Variants in SCN11A observed in about 807,000 individuals in gnomAD.
SCN11A encodes sodium channel protein type 11 subunit alpha.
In SCN11A, 122 loss-of-function variants were observed where a neutral mutation model predicts 162.2. That is an observed-to-expected ratio of 0.75 (90% CI 0.65 to 0.87). The LOEUF (loss-of-function observed/expected upper bound fraction) is 0.87, where lower values mean the gene tolerates loss of function less well. Ranked by LOEUF, SCN11A falls within the 40% of genes least tolerant of loss-of-function variation. The pLI is 0.00. For missense variants in SCN11A, 2,015 were observed against 2,181.6 expected (o/e 0.92, Z 1.52); for synonymous variants, 758 against 751.5 (o/e 1.01, Z -0.14).
At chr3:39,050,502 G>C (rs1447856232) in intron 1 of SCN11A, among the ~76,000 whole-genome samples, 1 of 152,210 alleles carries the variant, frequency 6.6e-6, no homozygotes, top group Non-Finnish European at 1.5e-5. Context: ...TAATGATGCA[G>C]TAATTTACCT....
rs2065057068 is a variant in SCN11A at position 38,867,366 on chromosome 3, G to C, written c.3906C>G (p.Leu1302=). ...IIFGSFFTLN[L]FIGVIIDNFN... ...AGTTGTCAATGATAACGCCAATGAA[G>C]AGATTCAGAGTGAAGAATGAGCCAA... Residue 1302 remains leucine (L), a synonymous_variant, in exon 27 of 30, where the codon CTC becomes CTG. Coordinates refer to ENST00000302328, the MANE Select transcript of SCN11A (RefSeq NM_001349253.2). The C allele has an allele frequency of 1.9e-6, 3 of 1,613,320 alleles. No homozygotes were observed. Among genetic ancestry groups the C allele is most frequent in the African/African-American group, 1.3e-5 (1 of 74,894 alleles).
intron 2 of SCN11A, among the ~76,000 whole-genome samples, chr3:39,003,573 T>C (rs113767350): frequency 0.1 from 15,809 of 152,288 alleles, 1,052 homozygotes; most frequent in East Asian, 0.22. Context: ...GGTTGAATGG[T>C]AGTTCTACTT....
chr3:38,878,093 A>T, intron 23 of SCN11A, among the ~76,000 whole-genome samples: 1 of 151,770 alleles, frequency 6.6e-6, no homozygotes, highest in Non-Finnish European at 1.5e-5. Flanking sequence ...GGGGCACCAA[A>T]ATCTCAGAAA....
At chr3:39,008,937 G>C (rs1006732867) in intron 2 of SCN11A, among the ~76,000 whole-genome samples, 3 of 151,858 alleles carry the variant, frequency 2.0e-5, no homozygotes, top group Non-Finnish European at 2.9e-5. Flanking sequence ...CCCAAAGTCA[G>C]GTCCAGTGGC....
At chr3:38,966,344 T>C (rs1182913889) in intron 2 of SCN11A, among the ~76,000 whole-genome samples, 2 of 152,350 alleles carry the variant, frequency 1.3e-5, no homozygotes, top group Middle Eastern at 3.4e-3. Flanking sequence ...ATGTCATAGT[T>C]CATTATTATC....
intron 2 of SCN11A, among the ~76,000 whole-genome samples, chr3:38,996,076 G>C (rs1195375685): frequency 6.6e-6 from 1 of 152,156 alleles, no homozygotes; most frequent in Non-Finnish European, 1.5e-5. Context: ...CCATCTACAA[G>C]ATAGGAAGAG....
intron 1 of SCN11A, among the ~76,000 whole-genome samples, chr3:39,036,778 CTA>C (rs2031914273): frequency 6.6e-6 from 1 of 152,148 alleles, no homozygotes; most frequent in Admixed American, 6.5e-5. Flanking sequence ...CAGATCAAAA[CTA>C]TATTATCTCA....
chr3:38,929,763 T>C (rs1319841084), intron 7 of SCN11A, among the ~76,000 whole-genome samples: 1 of 152,164 alleles, frequency 6.6e-6, no homozygotes, highest in Admixed American at 6.5e-5. Flanking sequence ...AATGCCAATA[T>C]CTCAGGAGTG....
At chr3:38,861,990 T>C (rs530029338) in intron 28 of SCN11A, among the ~76,000 whole-genome samples, 4 of 152,248 alleles carry the variant, frequency 2.6e-5, no homozygotes, top group African/African-American at 9.6e-5. Context: ...AAACTATGCA[T>C]CTGACAAAAG....
intron 28 of SCN11A, among the ~76,000 whole-genome samples, chr3:38,852,274 C>T (rs1274003039): frequency 6.6e-6 from 1 of 152,008 alleles, no homozygotes; most frequent in Non-Finnish European, 1.5e-5. Context: ...ATCAAAGAGC[C>T]AGGAGAAGAC....
Position 38,910,079 on chromosome 3 carries a change from T to C in SCN11A, c.1088A>G (p.Lys363Arg). The change falls in exon 12 of 30, where the codon AAG (lysine) becomes AGG (arginine). Residue 363 changes from lysine (K) to arginine (R), a missense_variant. Coordinates refer to ENST00000302328, the MANE Select transcript of SCN11A (RefSeq NM_001349253.2). ...TAAATAGATAACCTGTTGATAAAGC[T>C]TCTCCCAGGAATCTTGGGTCATCAG... is the stretch of plus-strand genomic sequence containing the variant. ...FRLMTQDSWE[K>R]LYQQTLRTTG... The C allele has an allele frequency of 6.2e-7, 1 of 1,613,812 alleles. No homozygotes were observed. Among genetic ancestry groups the C allele is most frequent in the Non-Finnish European group, 8.5e-7 (1 of 1,179,868 alleles).
chr3:38,967,818 T>A (rs965216756), intron 2 of SCN11A, among the ~76,000 whole-genome samples: 2 of 152,202 alleles, frequency 1.3e-5, no homozygotes, highest in African/African-American at 4.8e-5. Flanking sequence ...CACATGTCAG[T>A]ATTCAGCAAA....
chr3:38,998,549 A>G (rs2030712294), intron 2 of SCN11A, among the ~76,000 whole-genome samples: 2 of 152,198 alleles, frequency 1.3e-5, no homozygotes, highest in East Asian at 3.8e-4. Context: ...CCAGTCATCC[A>G]TTACTGGGTA....
chr3:38,945,464 G>A lies in SCN11A; in HGVS notation c.435C>T (p.Phe145=), dbSNP rs760281237. 1.2e-6 allele frequency: 2 copies of A among 1,600,634 alleles called. No homozygotes were observed. The highest frequency in any genetic ancestry group is 1.7e-5 in the Admixed American group (1 of 59,004). The change falls in exon 7 of 30, where the codon TTC becomes TTT. Residue 145 remains phenylalanine, a synonymous_variant. Transcript: ENST00000302328. The part of the protein sequence containing the change: ...IIGTVIINCV[F]MATGPAKNSN... ...TGTTTTTAGCAGGCCCTGTAGCCAT[G>A]AACACGCAGTTGATGATAACGGTGC...
chr3:38,895,419 T>C (rs1310255708), intron 18 of SCN11A, among the ~76,000 whole-genome samples: 3 of 152,202 alleles, frequency 2.0e-5, no homozygotes, highest in Admixed American at 1.3e-4. Context: ...TACAGTTTCT[T>C]TAGGTCCTGT....
rs150856985 is a variant in SCN11A, at chr3:38,922,929, G to C, written c.713-1674C>G. On this transcript the variant is annotated intron_variant, in intron 9 of 29. Transcript: ENST00000302328. ...AGCCACTGATAGAAGAGAAAAGAAGGGAAGGGGAGAAGGTGGGGGGAAAGG... is the reference window on the plus strand; with the variant it reads ...AGCCACTGATAGAAGAGAAAAGAAGCGAAGGGGAGAAGGTGGGGGGAAAGG... Among the ~76,000 whole-genome samples the C allele has an allele frequency of 4.1e-3, 629 of 152,254 alleles. 1 individual carries two copies. Among genetic ancestry groups the C allele is most frequent in the Non-Finnish European group, 6.7e-3 (454 of 68,016 alleles).
chr3:38,904,735 C>T (rs565153343), intron 15 of SCN11A, among the ~76,000 whole-genome samples: 1 of 152,304 alleles, frequency 6.6e-6, no homozygotes, highest in South Asian at 2.1e-4. Flanking sequence ...TGCTATTAAT[C>T]TGGTCCATCA....
chr3:38,942,967 G>A (rs2066462992), intron 7 of SCN11A, among the ~76,000 whole-genome samples: 1 of 152,058 alleles, frequency 6.6e-6, no homozygotes, highest in Non-Finnish European at 1.5e-5. Flanking sequence ...TTACACCTAG[G>A]TATTTATCCC....
At chr3:38,889,526 G>A (rs1260292513) in intron 19 of SCN11A, among the ~76,000 whole-genome samples, 1 of 151,750 alleles carries the variant, frequency 6.6e-6, no homozygotes, top group African/African-American at 2.4e-5. Flanking sequence ...CTGGCCGGGC[G>A]CGGTGGCTCA....
Sources: gnomAD v4.1 joint callset for allele counts (sites outside exome capture counted in the v4.1 genomes callset) on GRCh38, gnomAD v4.1.1 for gene constraint, MANE v1.5 for transcripts, NCBI Gene and HGNC (gene_info 2026-07-23, HGNC 2026-07-21) for gene names.